LRMDA: variants seen among roughly 807,000 people sequenced by gnomAD.
The protein encoded by LRMDA is leucine rich melanocyte differentiation associated, also known as leucine-rich melanocyte differentiation-associated protein.
LRMDA carries 18 observed loss-of-function variants against 29.8 expected under a neutral mutation model. That is an observed-to-expected ratio of 0.60 (90% CI 0.42 to 0.90). LRMDA has a LOEUF of 0.90. LRMDA is among the 40% of genes least tolerant of loss of function. The pLI is 0.00. For synonymous variants in LRMDA, 125 were observed against 109.4 expected (o/e 1.14, Z -0.89); for missense variants, 273 against 273.9 (o/e 1.00, Z 0.02).
chr10:76,214,041 C>T lies in LRMDA; in HGVS notation c.517-110360C>T, dbSNP rs1419452590. Among the ~76,000 whole-genome samples, 5 of 152,222 alleles carry T rather than the reference C, an allele frequency of 3.3e-5. No homozygotes were observed. The East Asian group carries it at 9.6e-4, about 29-fold the overall frequency. ...CTGGGTTGCATGTTACATCATGGCC[C>T]ATGGAGGTGAGGGAGACAGGAGTGT... On this transcript the variant is annotated intron_variant, in intron 5 of 6. Coordinates refer to ENST00000611255, the MANE Select transcript of LRMDA (RefSeq NM_001305581.2).
At chr10:75,849,083 C>T (rs2132308862) in intron 2 of LRMDA, among the ~76,000 whole-genome samples, 1 of 152,260 alleles carries the variant, frequency 6.6e-6, no homozygotes, top group African/African-American at 2.4e-5. Flanking sequence ...TGCTGTGGCT[C>T]CAACTCCTCC....
intron 6 of LRMDA, among the ~76,000 whole-genome samples, chr10:76,508,579 C>G (rs565089866): frequency 6.6e-6 from 1 of 151,228 alleles, no homozygotes; most frequent in East Asian, 1.9e-4. Flanking sequence ...GGAGACTGTT[C>G]CATTTGACTC....
At chr10:75,597,043 C>G (rs904053703) in intron 2 of LRMDA, among the ~76,000 whole-genome samples, 1 of 151,678 alleles carries the variant, frequency 6.6e-6, no homozygotes, top group African/African-American at 2.4e-5. Context: ...CTCCCTTTCC[C>G]CTTGCTTTCT....
At chr10:75,691,295 T>A (rs1316522264) in intron 2 of LRMDA, among the ~76,000 whole-genome samples, 1 of 150,952 alleles carries the variant, frequency 6.6e-6, no homozygotes, top group Admixed American at 6.6e-5. Flanking sequence ...TCTGGTCTTG[T>A]GCTGTTTTTT....
chr10:76,046,276 C>T (rs1442142712), intron 3 of LRMDA, among the ~76,000 whole-genome samples: 1 of 152,178 alleles, frequency 6.6e-6, no homozygotes, highest in Non-Finnish European at 1.5e-5. Context: ...TAAACCCTTT[C>T]CAGTACCTGT....
At chr10:75,904,990 G>A (rs891534496) in intron 2 of LRMDA, among the ~76,000 whole-genome samples, 1 of 152,126 alleles carries the variant, frequency 6.6e-6, no homozygotes, top group African/African-American at 2.4e-5. Flanking sequence ...GGAGGGGAGA[G>A]AGGGGGAGAA....
intron 2 of LRMDA, among the ~76,000 whole-genome samples, chr10:75,890,765 G>A (rs919402517): frequency 2.0e-5 from 3 of 152,150 alleles, no homozygotes; most frequent in Non-Finnish European, 4.4e-5. Flanking sequence ...GTTGCACATG[G>A]CATGCTTGGC....
At chr10:76,167,453 G>C (rs1291685994) in intron 5 of LRMDA, among the ~76,000 whole-genome samples, 2 of 152,078 alleles carry the variant, frequency 1.3e-5, no homozygotes, top group Non-Finnish European at 2.9e-5. Context: ...AAGGGGTCCA[G>C]TTTCAATCTT....
chr10:76,129,587 T>TA (rs1849948882), intron 5 of LRMDA, among the ~76,000 whole-genome samples: 1 of 152,120 alleles, frequency 6.6e-6, no homozygotes, highest in African/African-American at 2.4e-5. Flanking sequence ...TTCTAAGAAA[T>TA]ACCCAGAACC....
Position 76,091,073 on chromosome 10 carries a change from C to T in LRMDA, c.516+32290C>T, listed in dbSNP as rs1341455727. Among the ~76,000 whole-genome samples, 4 of 152,268 alleles carry T rather than the reference C, an allele frequency of 2.6e-5. No homozygotes were observed. The East Asian group carries it at 7.7e-4, about 29-fold the overall frequency. ...CCAGCTTTAGGGACTTGGGTAGATT[C>T]ACTGCTGCTGTTTACTTGCTGTATG... is the stretch of plus-strand genomic sequence containing the variant. On this transcript the variant is annotated intron_variant, in intron 5 of 6. Coordinates refer to ENST00000611255, the MANE Select transcript of LRMDA (RefSeq NM_001305581.2).
At chr10:76,275,971 C>T (rs989388306) in intron 5 of LRMDA, among the ~76,000 whole-genome samples, 9 of 151,972 alleles carry the variant, frequency 5.9e-5, no homozygotes, top group Non-Finnish European at 5.9e-5. Context: ...ATCTCTCCTC[C>T]GTTATCTTCA....
chr10:75,921,437 G>C (rs1252524588), intron 2 of LRMDA, among the ~76,000 whole-genome samples: 1 of 152,222 alleles, frequency 6.6e-6, no homozygotes, highest in Admixed American at 6.5e-5. Flanking sequence ...AATGGATGAT[G>C]TGTAGGGCTA....
intron 2 of LRMDA, among the ~76,000 whole-genome samples, chr10:75,577,390 G>T (rs1045264103): frequency 6.6e-6 from 1 of 152,208 alleles, no homozygotes; most frequent in African/African-American, 2.4e-5. Flanking sequence ...ATGGTAATAT[G>T]TGAAAAGACC....
At chr10:75,529,213 A>G (rs1020248421) in intron 2 of LRMDA, among the ~76,000 whole-genome samples, 7 of 152,348 alleles carry the variant, frequency 4.6e-5, no homozygotes, top group African/African-American at 1.2e-4. Flanking sequence ...TAAGAATACT[A>G]GGAGCTGGAA....
intron 5 of LRMDA, among the ~76,000 whole-genome samples, chr10:76,071,016 C>G (rs563426777): frequency 6.6e-6 from 1 of 152,154 alleles, no homozygotes; most frequent in Non-Finnish European, 1.5e-5. Flanking sequence ...GGTCTCCATA[C>G]AGGACCAATG....
chr10:75,965,359 G>A (rs1304693386), intron 2 of LRMDA, among the ~76,000 whole-genome samples: 1 of 152,078 alleles, frequency 6.6e-6, no homozygotes, highest in Non-Finnish European at 1.5e-5. Context: ...AGTGTGGCAG[G>A]GAATAAGACA....
chr10:75,432,827 C>T (rs1564769890), intron 1 of LRMDA, among the ~76,000 whole-genome samples: 1 of 152,184 alleles, frequency 6.6e-6, no homozygotes. Flanking sequence ...TTTCCAGAGT[C>T]CTGTCGTTTC....
At chr10:76,216,769 G>A (rs538639123) in intron 5 of LRMDA, among the ~76,000 whole-genome samples, 68 of 152,284 alleles carry the variant, frequency 4.5e-4, no homozygotes, top group African/African-American at 1.6e-3. Context: ...TGTAGCTCAT[G>A]ACACCAGCAA....
intron 2 of LRMDA, among the ~76,000 whole-genome samples, chr10:75,724,983 C>T (rs1445854830): frequency 6.6e-6 from 1 of 152,176 alleles, no homozygotes; most frequent in African/African-American, 2.4e-5. Context: ...GAAAAAGCTA[C>T]TCCTGTGCTG....
Sources: gnomAD v4.1 joint callset for allele counts (sites outside exome capture counted in the v4.1 genomes callset) on GRCh38, gnomAD v4.1.1 for gene constraint, MANE v1.5 for transcripts, NCBI Gene and HGNC (gene_info 2026-07-23, HGNC 2026-07-21) for gene names.